The following CNBD2 variants were observed in gnomAD, a reference collection of about 807,000 sequenced individuals.
CNBD2 encodes cyclic nucleotide binding domain containing 2, also known as cyclic nucleotide-binding domain-containing protein 2.
In CNBD2, 64 loss-of-function variants were observed where a neutral mutation model predicts 63.7. The observed-to-expected ratio is 1.00, with a 90% confidence interval of 0.82 to 1.24. CNBD2 has a LOEUF of 1.24. CNBD2 is among the 50% of genes most tolerant of loss of function. The pLI, the probability that CNBD2 is intolerant of heterozygous loss-of-function variation, is 0.00. For missense variants in CNBD2, 691 were observed against 713.5 expected, an observed-to-expected ratio of 0.97 and a Z score of 0.36; for synonymous variants, 229 against 255.4, an observed-to-expected ratio of 0.90 and a Z score of 0.99.
intron 4 of CNBD2, among the ~76,000 whole-genome samples, chr20:35,983,447 G>A (rs1393822473): frequency 6.6e-6 from 1 of 152,122 alleles, no homozygotes; most frequent in Non-Finnish European, 1.5e-5. Flanking sequence ...AGGGTGCCCA[G>A]TTGGGTAGTG....
chr20:35,988,072 G>C (rs1443753279), intron 7 of CNBD2, among the ~76,000 whole-genome samples: 1 of 152,086 alleles, frequency 6.6e-6, no homozygotes, highest in Non-Finnish European at 1.5e-5. Context: ...GTTTCACCAT[G>C]TTGGACAGGC....
downstream of CNBD2, chr20:35,959,317 ATATTAT>A (rs11468373): frequency 0.21 from 31,997 of 151,890 alleles, 3,814 homozygotes; most frequent in South Asian, 0.37. Context: ...ACAGGCATTG[ATATTAT>A]TATTAGTGTA....
At chr20:35,975,094 C>T (rs1170564247) in intron 2 of CNBD2, 4 of 141,684 alleles carry the variant, frequency 2.8e-5, no homozygotes, top group South Asian at 2.3e-4. Context: ...CTCCGCCTCC[C>T]GGGTTCACGC....
chr20:35,975,589 C>A (rs71351005), intron 2 of CNBD2, among the ~76,000 whole-genome samples: 2,747 of 152,212 alleles, frequency 0.018, 47 homozygotes, highest in Non-Finnish European at 0.029. Flanking sequence ...CGTGAGCCAC[C>A]GCGCCCAGCC....
chr20:36,022,230 C>T (rs1363224547), intron 10 of CNBD2, among the ~76,000 whole-genome samples: 2 of 102,944 alleles, frequency 1.9e-5, no homozygotes, highest in East Asian at 3.1e-4. Flanking sequence ...GATGGAGTCT[C>T]GCTCTGTCGT....
chr20:35,973,065 CA>C (rs2056445167), intron 2 of CNBD2: 3 of 486,776 alleles, frequency 6.2e-6, no homozygotes, highest in Non-Finnish European at 1.1e-5. Flanking sequence ...AAACTCATGG[CA>C]GGGAAAGGTG....
At chr20:35,987,313 G>T (rs1304214695) in intron 6 of CNBD2, 82 bp from the exon 7 acceptor site, 2 of 1,492,012 alleles carry the variant, frequency 1.3e-6, no homozygotes, top group Non-Finnish European at 1.8e-6. Flanking sequence ...CACAGGAGAA[G>T]AGTATGTGCC....
intron 11 of CNBD2, among the ~76,000 whole-genome samples, chr20:36,024,658 G>T (rs2057261737): frequency 1.3e-5 from 2 of 150,638 alleles, no homozygotes; most frequent in Non-Finnish European, 3.0e-5. Flanking sequence ...GCTGGACGTG[G>T]TGGCTCATGC....
chr20:36,014,182 C>CAAAA (rs1398212585), intron 10 of CNBD2, among the ~76,000 whole-genome samples: 1 of 94,884 alleles, frequency 1.1e-5, no homozygotes, highest in African/African-American at 4.8e-5. Flanking sequence ...GACTCCATCT[C>CAAAA]AAAAAAAAAA....
Position 35,972,885 on chromosome 20 carries a change from C to A in CNBD2, c.189+119C>A, listed in dbSNP as rs141815537. The A allele has an allele frequency of 1.9e-4, 178 of 925,288 alleles. 2 individuals carry two copies. In the African/African-American group the frequency reaches 2.5e-3, roughly 13 times the overall value. The allele number at this position is 925,288 out of a possible 1,614,324, so 57.3% of individuals were successfully genotyped here. A position where few individuals can be genotyped will look rare whatever the true frequency, so the allele number is the denominator to read the frequency against. The stretch of plus-strand genomic sequence containing the variant: ...GACAAAAGGAAAAGCAGATGAGAGA[C>A]CCAATGGTCACTTTTATTAATGGCC... On this transcript the variant is annotated intron_variant, in intron 2 of 11. Transcript: ENST00000373973.
At chr20:36,021,441 A>G (rs148068599) in intron 10 of CNBD2, among the ~76,000 whole-genome samples, 3 of 152,360 alleles carry the variant, frequency 2.0e-5, no homozygotes, top group African/African-American at 7.2e-5. Context: ...AAGAATATGC[A>G]TGTATTTATT....
chr20:36,022,259 C>T (rs1448354855), intron 10 of CNBD2, among the ~76,000 whole-genome samples: 2 of 130,908 alleles, frequency 1.5e-5, no homozygotes, highest in Admixed American at 9.2e-5. Flanking sequence ...AGTGCAGTGG[C>T]GCAATTTTGG....
chr20:35,966,084 C>T (rs1296876904), upstream of CNBD2, among the ~76,000 whole-genome samples: 1 of 152,142 alleles, frequency 6.6e-6, no homozygotes, highest in Non-Finnish European at 1.5e-5. Flanking sequence ...TCTCCAGGCC[C>T]AGTTGTTTCT....
Position 36,022,239 on chromosome 20 carries a change from G to C in CNBD2, c.1270-1363G>C, listed in dbSNP as rs1407544266. 1.6e-5 allele frequency among the ~76,000 whole-genome samples: 2 copies of C among 122,026 alleles called. 1 individual carries two copies. Among genetic ancestry groups the C allele is most frequent in the Middle Eastern group, 0.015 (2 of 136 alleles). 80.1% of individuals were successfully genotyped at this position (122,026 alleles called of 152,430 possible). A position where few individuals can be genotyped will look rare whatever the true frequency, so the allele number is the denominator to read the frequency against. ...TTTTGAGATGGAGTCTCGCTCTGTC[G>C]TCAGGCTGGAGTGCAGTGGCGCAAT... On this transcript the variant is annotated intron_variant, in intron 10 of 11. Transcript: ENST00000373973.
chr20:36,003,953 C>A (rs1239993078), intron 8 of CNBD2, among the ~76,000 whole-genome samples: 1 of 152,072 alleles, frequency 6.6e-6, no homozygotes, highest in Non-Finnish European at 1.5e-5. Context: ...CTGGGAGGGA[C>A]CTGCTTCCAG....
At chr20:35,989,394 C>G (rs2056711909) in intron 7 of CNBD2, among the ~76,000 whole-genome samples, 2 of 152,180 alleles carry the variant, frequency 1.3e-5, no homozygotes, top group Admixed American at 6.5e-5. Context: ...TCTCCTCCAC[C>G]AGATTCCACA....
At chr20:36,018,396 G>A (rs2147353945) in intron 10 of CNBD2, among the ~76,000 whole-genome samples, 1 of 152,318 alleles carries the variant, frequency 6.6e-6, no homozygotes, top group Non-Finnish European at 1.5e-5. Context: ...CCTGGCTGCT[G>A]CTTCCCACAT....
At chr20:35,984,544 T>C (rs1474954987) in intron 5 of CNBD2, 83 bp from the exon 6 acceptor site, 2 of 1,438,086 alleles carry the variant, frequency 1.4e-6, no homozygotes, top group African/African-American at 2.8e-5. Context: ...AGGGGGAAGA[T>C]GGAGGCACGG....
At chr20:35,955,667 G>A (rs2147157566), downstream of CNBD2, among the ~76,000 whole-genome samples, 1 of 152,194 alleles carries the variant, frequency 6.6e-6, no homozygotes, top group East Asian at 1.9e-4. Context: ...CCTCTCAGAG[G>A]TAATTGAGAA....
Sources: gnomAD v4.1 joint callset for allele counts (sites outside exome capture counted in the v4.1 genomes callset) on GRCh38, gnomAD v4.1.1 for gene constraint, MANE v1.5 for transcripts, NCBI Gene and HGNC (gene_info 2026-07-23, HGNC 2026-07-21) for gene names.